LRP1: variants seen among roughly 807,000 people sequenced by gnomAD.
LRP1 encodes the protein prolow-density lipoprotein receptor-related protein 1.
A neutral mutation model predicts 541.5 loss-of-function variants in LRP1; 51 were observed. That is an observed-to-expected ratio of 0.09 (90% CI 0.08 to 0.12). The LOEUF (loss-of-function observed/expected upper bound fraction) is 0.12. LRP1 is among the 10% of genes least tolerant of loss of function. LRP1 has a pLI of 1.00. For synonymous variants in LRP1, 2,219 were observed against 2,470.8 expected, an observed-to-expected ratio of 0.90 and a Z score of 3.02; for missense variants, 3,878 against 6,376.2, an observed-to-expected ratio of 0.61 and a Z score of 13.34.
intron 6 of LRP1, among the ~76,000 whole-genome samples, chr12:57,153,186 T>C (rs1190120134): frequency 1.3e-5 from 2 of 152,064 alleles, no homozygotes; most frequent in South Asian, 4.2e-4. Context: ...AGAGGCACCA[T>C]CTCTGATGGT....
At chr12:57,202,657 C>G in intron 68 of LRP1, 120 bp downstream of exon 68, 2 of 717,586 alleles carry the variant, frequency 2.8e-6, no homozygotes, top group East Asian at 5.4e-5. Flanking sequence ...GGGGCAGGAG[C>G]CGCCCTCCTC....
Position 57,193,880 on chromosome 12 carries a change from G to A in LRP1, c.7805-19G>A. Reference sequence around the variant, plus strand: ...AGAGAAAACTCTGGCCTGACGATACGGGGCGGGCACTGTTCTAGAGACAGC... The same window carrying A: ...AGAGAAAACTCTGGCCTGACGATACAGGGCGGGCACTGTTCTAGAGACAGC... On this transcript the variant is annotated intron_variant, in intron 47 of 88. Transcript: ENST00000243077. The A allele has an allele frequency of 8.1e-6, 13 of 1,609,018 alleles. No individual in the cohort carries two copies. The highest frequency in any genetic ancestry group is 1.1e-5 in the Non-Finnish European group (13 of 1,175,976).
rs759104743 is a variant in LRP1 at position 57,211,956 on chromosome 12, TTGC to T, written c.13300_13302del (p.Leu4434del). 7 of 1,613,916 alleles carry T rather than the reference TTGC, an allele frequency of 4.3e-6. No homozygotes were observed. The highest frequency in any genetic ancestry group is 1.7e-5 in the Admixed American group (1 of 60,022). On this transcript the variant is annotated inframe_deletion, in exon 87 of 89. Coordinates refer to ENST00000243077, the MANE Select transcript of LRP1 (RefSeq NM_002332.3). This position sits in a 1 kb window ranked among gnomAD's most constrained non-coding sequence, Gnocchi z 4.3. ...AGCCTCCATCCTAATCCCTCTGCTG[TTGC>T]TGCTGCTGCTGGTTCTGGTGGCCGG... is the stretch of plus-strand genomic sequence containing the variant.
At chr12:57,129,862 T>TTGGAAGG (rs920715656) in intron 1 of LRP1, among the ~76,000 whole-genome samples, 3 of 152,048 alleles carry the variant, frequency 2.0e-5, no homozygotes, top group African/African-American at 7.3e-5. Flanking sequence ...ACAGTTTGGA[T>TTGGAAGG]TGGAAGGAGA....
intron 8 of LRP1, chr12:57,155,453 G>A (rs1426691361): frequency 6.5e-6 from 1 of 154,630 alleles, no homozygotes; most frequent in African/African-American, 2.4e-5. Flanking sequence ...GAGTGGGTGA[G>A]ATAAGTCCAC....
chr12:57,192,464 G>A (rs1242748330), intron 44 of LRP1, among the ~76,000 whole-genome samples: 1 of 152,068 alleles, frequency 6.6e-6, no homozygotes, highest in Non-Finnish European at 1.5e-5. Flanking sequence ...GCCCTCAGTG[G>A]GCACGAGTAC....
In LRP1 at chr12:57,192,127, A is replaced by G. The variant is rs929731735; in HGVS notation, c.7429+615A>G. 4.0e-5 allele frequency among the ~76,000 whole-genome samples: 6 copies of G among 148,778 alleles called. No individual in the cohort carries two copies. In the East Asian group the frequency reaches 8.0e-4, roughly 20 times the overall value. ...ACACACACACACACATCTCACAGAC[A>G]TACTATAAACACCCCACACCCCACA... On this transcript the variant is annotated intron_variant, in intron 44 of 88. Transcript: ENST00000243077.
At position 57,205,410 on chromosome 12, in the gene LRP1, G is replaced by A. The variant is rs369361942; in HGVS notation, c.11395G>A (p.Val3799Met). Residue 3799 changes from valine to methionine, a missense_variant, in exon 74 of 89, where the codon GTG (valine) becomes ATG (methionine). Physicochemically the swap from Val to Met is conservative, Grantham distance 21 (BLOSUM62 1). This residue lies in a region of LRP1 where 871 missense variants were observed against 1,212.4 expected (regional missense o/e 0.72). Transcript: ENST00000243077. The surrounding 1 kb of genome is among the most constrained non-coding windows in gnomAD (Gnocchi z 4.6). ...CATCTGTGGGGACGAGGCACGCTGCGTGCGCACCGAGAAAGCGGCCTACTG... is the reference window on the plus strand; with the variant it reads ...CATCTGTGGGGACGAGGCACGCTGCATGCGCACCGAGAAAGCGGCCTACTG... ...ASICGDEARC[V>M]RTEKAAYCAC... 4.2e-5 allele frequency: 68 copies of A among 1,608,756 alleles called. No individual in the cohort carries two copies. Among genetic ancestry groups the A allele is most frequent in the Non-Finnish European group, 4.9e-5 (58 of 1,179,662 alleles).
chr12:57,139,804 A>C (rs1019361045), intron 2 of LRP1, among the ~76,000 whole-genome samples: 6 of 152,218 alleles, frequency 3.9e-5, no homozygotes, highest in Middle Eastern at 6.8e-3. Context: ...CACACATACC[A>C]ACATAGAGAC....
At position 57,181,207 on chromosome 12, in the gene LRP1, C is replaced by T. The variant is rs745534728; in HGVS notation, c.5578C>T (p.Leu1860Phe). The stretch of plus-strand genomic sequence containing the variant: ...TGTCAACAACGGTGACTGCTCCCAG[C>T]TCTGCCTGCCCACGTCAGAGACGAC... ...CSVNNGDCSQ[L>F]CLPTSETTRS... is the part of the protein sequence containing the mutation. The change falls in exon 34 of 89, where the codon CTC becomes TTC. Residue 1860 changes from leucine to phenylalanine, a missense_variant. Around this residue, in one of 13 missense-constraint regions of LRP1, gnomAD observed 394 missense variants for 635.9 expected, o/e 0.62. Coordinates refer to ENST00000243077, the MANE Select transcript of LRP1 (RefSeq NM_002332.3). The T allele has an allele frequency of 1.2e-6, 2 of 1,613,862 alleles. No homozygotes were observed. Among genetic ancestry groups the T allele is most frequent in the Non-Finnish European group, 1.7e-6 (2 of 1,180,040 alleles).
intron 1 of LRP1, among the ~76,000 whole-genome samples, chr12:57,129,282 C>T (rs2034987070): frequency 6.6e-6 from 1 of 152,162 alleles, no homozygotes. Context: ...GAGAAGAGGG[C>T]TCCCCATTTT....
chr12:57,193,819 G>A (rs1592649411), intron 47 of LRP1, 80 bp from the exon 48 acceptor site: 1 of 1,590,398 alleles, frequency 6.3e-7, no homozygotes, highest in Admixed American at 1.7e-5. Context: ...GGTGCTGTGG[G>A]CCAGGAGCTC....
Position 57,193,348 on chromosome 12 carries a change from C to T in LRP1, c.7684+44C>T, listed in dbSNP as rs568214684. ...CCCCTGCCTCTTCCAGGCCCAGAGC[C>T]CAGGTCCTCCTCCCCCAGGCCCCTG... On this transcript the variant is annotated intron_variant, in intron 46 of 88. Transcript: ENST00000243077. 40 of 1,601,404 alleles carry T rather than the reference C, an allele frequency of 2.5e-5. No homozygotes were observed. In the South Asian group the frequency reaches 4.3e-4, roughly 17 times the overall value.
intron 1 of LRP1, among the ~76,000 whole-genome samples, chr12:57,136,076 G>A (rs980085381): frequency 2.0e-5 from 3 of 152,236 alleles, no homozygotes; most frequent in African/African-American, 4.8e-5. Context: ...AGCCGGCCAC[G>A]GCTGGTCAGG....
intron 22 of LRP1, 52 bp from the exon 23 acceptor site, chr12:57,175,408 C>A (rs2036022908): frequency 6.2e-7 from 1 of 1,604,946 alleles, no homozygotes; most frequent in Non-Finnish European, 8.5e-7. Context: ...CGTGGTCTTG[C>A]CTCCTCTCAG....
At position 57,135,943 on chromosome 12, in the gene LRP1, G is replaced by A. The variant is rs142210952; in HGVS notation, c.68-2516G>A. ...CGGTGACCTCAGGCCGTGGCTGTGC[G>A]CTCTGCCCCTGGGAGGAGCAGGGCA... On this transcript the variant is annotated intron_variant, in intron 1 of 88. Transcript: ENST00000243077. Among the ~76,000 whole-genome samples the A allele has an allele frequency of 3.3e-5, 5 of 152,292 alleles. No individual in the cohort carries two copies. The South Asian group carries it at 6.2e-4, about 19-fold the overall frequency.
In LRP1 at chr12:57,154,683, C is replaced by T. The variant is rs1800137; in HGVS notation, c.1209C>T (p.Thr403=). The change falls in exon 8 of 89, where the codon ACC becomes ACT. Residue 403 remains threonine (T), a synonymous_variant. Coordinates refer to ENST00000243077, the MANE Select transcript of LRP1 (RefSeq NM_002332.3). The surrounding 1 kb of genome is among the most constrained non-coding windows in gnomAD (Gnocchi z 4.6). ...VVDYEGKGRQ[T]IIQGILIEHL... The stretch of plus-strand genomic sequence containing the variant: ...ACTATGAGGGCAAGGGCCGCCAGAC[C>T]ATCATCCAGGGCATCCTGGTGAGGG... 0.027 allele frequency: 42,841 copies of T among 1,563,878 alleles called. 1,477 individuals are homozygous for T. Among genetic ancestry groups the T allele is most frequent in the East Asian group, 0.2 (8,215 of 41,690 alleles).
Position 57,173,745 on chromosome 12 carries a change from C to T in LRP1, c.3347-35C>T, listed in dbSNP as rs375568678. ...GAAGGGCAGGGGGAGCCCCAGTCCCCGGGCCTGGGCCCTCATAGTGCACCT... is the reference window on the plus strand; with the variant it reads ...GAAGGGCAGGGGGAGCCCCAGTCCCTGGGCCTGGGCCCTCATAGTGCACCT... On this transcript the variant is annotated intron_variant, in intron 21 of 88. Coordinates refer to ENST00000243077, the MANE Select transcript of LRP1 (RefSeq NM_002332.3). The surrounding 1 kb of genome is among the most constrained non-coding windows in gnomAD (Gnocchi z 4.7). 49 of 1,599,850 alleles carry T rather than the reference C, an allele frequency of 3.1e-5. No individual in the cohort carries two copies. The highest frequency in any genetic ancestry group is 2.2e-4 in the Admixed American group (13 of 60,008).
chr12:57,203,403 C>T lies in LRP1; in HGVS notation c.10833C>T (p.Pro3611=). 6.2e-7 allele frequency: 1 copy of T among 1,608,492 alleles called. No homozygotes were observed. The highest frequency in any genetic ancestry group is 8.5e-7 in the Non-Finnish European group (1 of 1,176,676). The part of the protein sequence containing the change: ...ADGSDEKDCT[P]RCDMDQFQCK... ...CATGCCCACAGAAAGACTGCACCCC[C>T]CGCTGTGACATGGACCAGTTCCAGT... is the stretch of plus-strand genomic sequence containing the variant. Residue 3611 remains proline (P), a synonymous_variant, in exon 70 of 89, where the codon CCC becomes CCT. Transcript: ENST00000243077.
Sources: gnomAD v4.1 joint callset for allele counts (sites outside exome capture counted in the v4.1 genomes callset) on GRCh38, gnomAD v4.1.1 for gene constraint, gnomAD v4.1.1 regional missense constraint, Gnocchi (gnomAD v3.1) non-coding constraint, MANE v1.5 for transcripts, NCBI Gene and HGNC (gene_info 2026-07-23, HGNC 2026-07-21) for gene names.